Variants in ACADS observed in about 807,000 individuals in gnomAD.
ACADS encodes the protein short-chain specific acyl-CoA dehydrogenase, mitochondrial.
ACADS carries 28 observed loss-of-function variants against 46.8 expected under a neutral mutation model. The observed-to-expected ratio is 0.60, with a 90% CI of 0.44 to 0.82. The LOEUF (loss-of-function observed/expected upper bound fraction) is 0.82. ACADS is among the 40% of genes least tolerant of loss of function. ACADS has a pLI of 0.00. For missense variants in ACADS, 528 were observed against 578.0 expected (o/e 0.91, Z 0.89); for synonymous variants, 236 against 237.7 (o/e 0.99, Z 0.07).
chr12:120,738,554 A>G lies in ACADS; in HGVS notation c.817A>G (p.Ile273Val), dbSNP rs769242128. ...IAMQTLDMGR[I>V]GIASQALGIA... ...ACAGCAAACCCTGGACATGGGCCGC[A>G]TCGGCATCGCCTCCCAGGCCCTGGG... Residue 273 changes from isoleucine (I) to valine (V), a missense_variant, in exon 7 of 10, where the codon ATC (isoleucine) becomes GTC (valine). Ile to Val is a conservative substitution (Grantham distance 29). Transcript: ENST00000242592. The G allele has an allele frequency of 1.6e-5, 26 of 1,610,948 alleles. No individual in the cohort carries two copies. Among genetic ancestry groups the G allele is most frequent in the East Asian group, 6.7e-5 (3 of 44,892 alleles).
chr12:120,738,432 G>A lies in ACADS; in HGVS notation c.777G>A (p.Met259Ile), dbSNP rs1437427433. 5 of 1,611,422 alleles carry A rather than the reference G, an allele frequency of 3.1e-6. No homozygotes were observed. The highest frequency in any genetic ancestry group is 1.3e-5 in the African/African-American group (1 of 74,930). ...ACAGCATCCTGGGGGAGCCAGGGAT[G>A]GGCTTCAAGATAGCCATGGTGAGCC... ...PKDSILGEPG[M>I]GFKIAMQTLD... Residue 259 changes from methionine (M) to isoleucine (I), a missense_variant, in exon 6 of 10, where the codon ATG (methionine) becomes ATA (isoleucine). Coordinates refer to ENST00000242592, the MANE Select transcript of ACADS (RefSeq NM_000017.4).
chr12:120,726,455 G>C (rs1010225942), intron 1 of ACADS, among the ~76,000 whole-genome samples: 6 of 152,152 alleles, frequency 3.9e-5, no homozygotes, highest in Non-Finnish European at 8.8e-5. Flanking sequence ...CCCATCTTAC[G>C]TGTCTCCAGT....
chr12:120,732,306 G>GA (rs1883274950), intron 2 of ACADS, among the ~76,000 whole-genome samples: 1 of 150,274 alleles, frequency 6.7e-6, no homozygotes, highest in Non-Finnish European at 1.5e-5. Flanking sequence ...TGGCCGGGCG[G>GA]GGGCTGCCCC....
At position 120,737,852 on chromosome 12, in the gene ACADS, C is replaced by A; in HGVS notation, c.488C>A (p.Ala163Glu). Residue 163 changes from alanine to glutamate, a missense_variant, in exon 5 of 10, where the codon GCA becomes GAA. Ala to Glu is a moderately radical substitution (Grantham distance 107, BLOSUM62 -1). Coordinates refer to ENST00000242592, the MANE Select transcript of ACADS (RefSeq NM_000017.4). ...GTGTGGGCAGGGAACGGCAGTGATG[C>A]AGGAGCTGCGTCCACCACCGCCCGG... The part of the protein sequence containing the change: ...ALSEPGNGSD[A>E]GAASTTARAE... 6.2e-7 allele frequency: 1 copy of A among 1,613,918 alleles called. No homozygotes were observed. Among genetic ancestry groups the A allele is most frequent in the African/African-American group, 1.3e-5 (1 of 75,004 alleles).
At position 120,736,987 on chromosome 12, in the gene ACADS, TGAA is replaced by T. The variant is rs1883462118; in HGVS notation, c.218_220del (p.Lys73del). 3 of 1,606,108 alleles carry T rather than the reference TGAA, an allele frequency of 1.9e-6. No individual in the cohort carries two copies. In the African/African-American group the frequency reaches 4.0e-5, roughly 21 times the overall value. Reference sequence around the variant, plus strand: ...CGTGCCGTCCTTCCCTGTGCCCAGGTGAAGAAGATGGGCGGGCTTGGGCTTCTG... The same window carrying T: ...CGTGCCGTCCTTCCCTGTGCCCAGGTGAAGATGGGCGGGCTTGGGCTTCTG... On this transcript the variant is annotated inframe_deletion and splice_region_variant, in exon 3 of 10. Coordinates refer to ENST00000242592, the MANE Select transcript of ACADS (RefSeq NM_000017.4).
chr12:120,735,532 A>G (rs563270786), intron 2 of ACADS, among the ~76,000 whole-genome samples: 3 of 151,918 alleles, frequency 2.0e-5, no homozygotes, highest in Middle Eastern at 3.2e-3. Context: ...AAACTTTTAT[A>G]TTCACAGGAG....
At chr12:120,733,524 C>T (rs1467531804) in intron 2 of ACADS, among the ~76,000 whole-genome samples, 5 of 140,508 alleles carry the variant, frequency 3.6e-5, no homozygotes, top group African/African-American at 1.2e-4. Flanking sequence ...TTCCCCTTCC[C>T]TAGTTGGTTC....
chr12:120,726,009 C>A, intron 1 of ACADS, 78 bp downstream of exon 1: 1 of 1,389,168 alleles, frequency 7.2e-7, no homozygotes, highest in Non-Finnish European at 9.5e-7. Flanking sequence ...GCGGCCGGCT[C>A]TGTCAGAGCC....
At chr12:120,730,409 T>C (rs1182491382) in intron 2 of ACADS, among the ~76,000 whole-genome samples, 1 of 152,214 alleles carries the variant, frequency 6.6e-6, no homozygotes, top group Non-Finnish European at 1.5e-5. Context: ...CCTACAACTT[T>C]TGATTCTAGC....
At chr12:120,730,577 C>A (rs969956349) in intron 2 of ACADS, among the ~76,000 whole-genome samples, 3 of 152,122 alleles carry the variant, frequency 2.0e-5, no homozygotes, top group Non-Finnish European at 4.4e-5. Context: ...TATGGGGTCA[C>A]CCTCATTCTG....
At chr12:120,733,453 G>C (rs1201616588) in intron 2 of ACADS, among the ~76,000 whole-genome samples, 3 of 152,158 alleles carry the variant, frequency 2.0e-5, no homozygotes, top group Non-Finnish European at 4.4e-5. Flanking sequence ...CCATGTGTGT[G>C]CTGCCGCAGG....
At position 120,727,037 on chromosome 12, in the gene ACADS, A is replaced by G. The variant is rs745510897; in HGVS notation, c.58A>G (p.Arg20Gly). 4.4e-5 allele frequency: 71 copies of G among 1,613,988 alleles called. No individual in the cohort carries two copies. The highest frequency in any genetic ancestry group is 5.3e-5 in the Non-Finnish European group (62 of 1,180,024). ...GCCCTTGCCGGCAGCTCTCTGTCCT[A>G]GGGCCTGGCGGCAGTTACACACCAT... The part of the protein sequence containing the change: ...SGPARRALCP[R>G]AWRQLHTIYQ... Residue 20 changes from arginine (R) to glycine (G), a missense_variant, in exon 2 of 10, where the codon AGG (arginine) becomes GGG (glycine). By Grantham distance (125) the Arg-to-Gly change is moderately radical. Coordinates refer to ENST00000242592, the MANE Select transcript of ACADS (RefSeq NM_000017.4).
Position 120,739,431 on chromosome 12 carries a change from A to G in ACADS, c.1222A>G (p.Arg408Gly). Residue 408 changes from arginine (R) to glycine (G), a missense_variant, in exon 10 of 10, where the codon AGG becomes GGG. Arg to Gly is a moderately radical substitution (Grantham distance 125). Transcript: ENST00000242592. ...QRLVIAGHLL[R>G]SYRS ...GCTGGTGATCGCCGGGCATCTGCTC[A>G]GGAGCTACCGGAGCTGAGCCCGCGG... is the stretch of plus-strand genomic sequence containing the variant. 6.2e-7 allele frequency: 1 copy of G among 1,610,810 alleles called. No homozygotes were observed. The highest frequency in any genetic ancestry group is 8.5e-7 in the Non-Finnish European group (1 of 1,179,734).
intron 2 of ACADS, among the ~76,000 whole-genome samples, chr12:120,730,727 C>T (rs1017948714): frequency 6.0e-4 from 91 of 152,100 alleles, no homozygotes; most frequent in African/African-American, 2.0e-3. Flanking sequence ...AGTTATGGAG[C>T]GATTGGCTCA....
intron 2 of ACADS, among the ~76,000 whole-genome samples, chr12:120,735,847 G>A (rs938495203): frequency 2.8e-4 from 43 of 152,082 alleles, no homozygotes; most frequent in African/African-American, 9.9e-4. Flanking sequence ...GCAGTGAGCC[G>A]AGATCTGCAC....
At chr12:120,738,956 G>A (rs775376445) in intron 8 of ACADS, 41 bp downstream of exon 8, 4 of 1,610,372 alleles carry the variant, frequency 2.5e-6, no homozygotes, top group South Asian at 2.2e-5. Flanking sequence ...AGAATGTGGT[G>A]GGCCCAGGGA....
intron 2 of ACADS, among the ~76,000 whole-genome samples, chr12:120,735,629 G>A (rs1030183050): frequency 6.6e-6 from 1 of 152,058 alleles, no homozygotes; most frequent in African/African-American, 2.4e-5. Context: ...GACTAGGTGT[G>A]GTGGCTCACA....
rs1189699324 is a variant in ACADS, at chr12:120,736,834, C to T, written c.211-152C>T. 3 of 996,004 alleles carry T rather than the reference C, an allele frequency of 3.0e-6. No individual in the cohort carries two copies. The Admixed American group carries it at 8.0e-5, about 27-fold the overall frequency. The allele number at this position is 996,004 out of a possible 1,614,324, so 61.7% of individuals were successfully genotyped here. A position where few individuals can be genotyped will look rare whatever the true frequency, so the allele number is the denominator to read the frequency against. On this transcript the variant is annotated intron_variant, in intron 2 of 9. Transcript: ENST00000242592. ...GACCTCAGTGGGACTGGGTCTTCAG[C>T]TTCTGGACTTGGGGATCCCTTGTGC... is the stretch of plus-strand genomic sequence containing the variant.
At chr12:120,737,279 G>T in intron 3 of ACADS, 77 bp from the exon 4 acceptor site, 1 of 1,536,622 alleles carries the variant, frequency 6.5e-7, no homozygotes, top group Non-Finnish European at 8.9e-7. Flanking sequence ...GACAGAACAG[G>T]CCCTGAGGTG....
Sources: allele counts gnomAD v4.1 joint callset (sites outside exome capture counted in the v4.1 genomes callset), GRCh38; gene constraint gnomAD v4.1.1; transcripts MANE v1.5; gene names NCBI Gene and HGNC (gene_info 2026-07-23, HGNC 2026-07-21).